The following TOX variants were observed in gnomAD, a reference collection of about 807,000 sequenced individuals.
The protein encoded by TOX is thymocyte selection-associated high mobility group box protein TOX.
In TOX, 11 loss-of-function variants were observed where a neutral mutation model predicts 53.7. The ratio of observed to expected loss-of-function variants is 0.20; its 90% CI spans 0.13 to 0.34. TOX has a LOEUF of 0.34. Ranked by LOEUF, TOX falls within the 10% of genes least tolerant of loss-of-function variation. The probability of loss-of-function intolerance (pLI) is 1.00; values close to 1 mark genes in which losing one functional copy is unlikely to be tolerated. For missense variants in TOX, 570 were observed against 664.6 expected, an observed-to-expected ratio of 0.86 and a Z score of 1.56; for synonymous variants, 225 against 245.3, an observed-to-expected ratio of 0.92 and a Z score of 0.77.
At chr8:58,952,994 T>C (rs1812649270) in intron 2 of TOX, among the ~76,000 whole-genome samples, 1 of 152,154 alleles carries the variant, frequency 6.6e-6, no homozygotes, top group African/African-American at 2.4e-5. Flanking sequence ...GAGGTTGATA[T>C]AAAACACTTT....
chr8:59,041,036 T>C (rs1321964349), intron 1 of TOX, among the ~76,000 whole-genome samples: 2 of 151,188 alleles, frequency 1.3e-5, no homozygotes, highest in South Asian at 2.1e-4. Flanking sequence ...AGGGAGACCT[T>C]TGACCATCAG....
intron 3 of TOX, among the ~76,000 whole-genome samples, chr8:58,890,626 G>A (rs914474195): frequency 1.3e-5 from 2 of 152,120 alleles, no homozygotes; most frequent in Non-Finnish European, 2.9e-5. Flanking sequence ...ATGAGAGAAA[G>A]GTCTTAGGCA....
chr8:58,911,644 A>T (rs1024062564), intron 3 of TOX, among the ~76,000 whole-genome samples: 1 of 152,190 alleles, frequency 6.6e-6, no homozygotes, highest in Non-Finnish European at 1.5e-5. Context: ...CTGCAGTGGA[A>T]GATGATCAAG....
In TOX at chr8:58,949,656, T is replaced by C. The variant is rs530036951; in HGVS notation, c.169-10112A>G. 2.3e-4 allele frequency among the ~76,000 whole-genome samples: 35 copies of C among 152,246 alleles called. 1 individual carries two copies. The Middle Eastern group carries it at 0.01, about 44-fold the overall frequency. On this transcript the variant is annotated intron_variant, in intron 2 of 8. Transcript: ENST00000361421. Reference sequence around the variant, plus strand: ...AACAATTGATTGCAATTTATTAGGTTTTAATATACTATTTTAAATCATGTG... The same window carrying C: ...AACAATTGATTGCAATTTATTAGGTCTTAATATACTATTTTAAATCATGTG...
rs762533510 is a variant in TOX at position 58,815,523 on chromosome 8, G to T, written c.1207C>A (p.Gln403Lys). The T allele has an allele frequency of 1.8e-5, 29 of 1,614,000 alleles. No homozygotes were observed. The highest frequency in any genetic ancestry group is 2.2e-5 in the Non-Finnish European group (26 of 1,180,016). Residue 403 changes from glutamine (Q) to lysine (K), a missense_variant, in exon 7 of 9, where the codon CAA (glutamine) becomes AAA (lysine). Physicochemically the swap from Gln to Lys is moderately conservative, Grantham distance 53. This residue lies in a region of TOX where 239 missense variants were observed against 250.7 expected (regional missense o/e 0.95). Coordinates refer to ENST00000361421, the MANE Select transcript of TOX (RefSeq NM_014729.3). ...GCTATAGAGACAGTCACTGGCATTTGGTTATTCGGCTTGGGGGCTATGTTC... is the reference window on the plus strand; with the variant it reads ...GCTATAGAGACAGTCACTGGCATTTTGTTATTCGGCTTGGGGGCTATGTTC... ...PRNIAPKPNN[Q>K]MPVTVSIANM...
intron 1 of TOX, among the ~76,000 whole-genome samples, chr8:59,111,974 T>C (rs979367272): frequency 5.9e-5 from 9 of 152,210 alleles, no homozygotes; most frequent in South Asian, 2.1e-4. Flanking sequence ...TTTGATATTA[T>C]AAATATATAT....
In TOX at chr8:59,112,791, G is replaced by C. The variant is rs74881250; in HGVS notation, c.102+6095C>G. On this transcript the variant is annotated intron_variant, in intron 1 of 8. Coordinates refer to ENST00000361421, the MANE Select transcript of TOX (RefSeq NM_014729.3). ...GAGAGCCACAGTGTCTAATAACTATGATGTGCTACAATCTTGTTTTCTGAT... is the reference window on the plus strand; with the variant it reads ...GAGAGCCACAGTGTCTAATAACTATCATGTGCTACAATCTTGTTTTCTGAT... Among the ~76,000 whole-genome samples the C allele has an allele frequency of 2.1e-3, 318 of 152,260 alleles. 12 individuals carry two copies. In the East Asian group the frequency reaches 0.058, roughly 28 times the overall value.
chr8:58,962,515 C>A (rs1330169857), intron 1 of TOX, among the ~76,000 whole-genome samples: 1 of 152,162 alleles, frequency 6.6e-6, no homozygotes, highest in African/African-American at 2.4e-5. Flanking sequence ...AAACCCAGGA[C>A]CCCTGGCTTT....
At chr8:59,084,719 AC>A (rs1804477305) in intron 1 of TOX, among the ~76,000 whole-genome samples, 1 of 152,156 alleles carries the variant, frequency 6.6e-6, no homozygotes, top group African/African-American at 2.4e-5. Context: ...ACACTGTTTT[AC>A]TGACATGTGA....
intron 2 of TOX, among the ~76,000 whole-genome samples, chr8:58,942,354 A>C (rs1293609178): frequency 6.6e-6 from 1 of 152,200 alleles, no homozygotes; most frequent in Non-Finnish European, 1.5e-5. Context: ...TTACACATTA[A>C]TGTATTTAAT....
chr8:58,997,057 C>G (rs1327737961), intron 1 of TOX, among the ~76,000 whole-genome samples: 4 of 152,204 alleles, frequency 2.6e-5, no homozygotes, highest in African/African-American at 9.6e-5. Flanking sequence ...ACCAGACTCA[C>G]TAACCTCTCT....
intron 3 of TOX, among the ~76,000 whole-genome samples, chr8:58,877,139 A>G (rs1423928519): frequency 6.6e-6 from 1 of 152,152 alleles, no homozygotes; most frequent in Non-Finnish European, 1.5e-5. Context: ...AAAGGGAACC[A>G]ATGCTAGAAC....
intron 1 of TOX, among the ~76,000 whole-genome samples, chr8:59,060,378 G>C (rs147151081): frequency 2.0e-5 from 3 of 152,100 alleles, no homozygotes; most frequent in African/African-American, 4.8e-5. Context: ...CCGTAATCCT[G>C]GCACTTTGGG....
intron 3 of TOX, among the ~76,000 whole-genome samples, chr8:58,854,670 G>A (rs539477069): frequency 6.6e-6 from 1 of 152,232 alleles, no homozygotes; most frequent in East Asian, 1.9e-4. Flanking sequence ...AGGTCAGGCA[G>A]ACAGCTTGAA....
chr8:58,946,308 G>C (rs1312351132), intron 2 of TOX, among the ~76,000 whole-genome samples: 2 of 152,140 alleles, frequency 1.3e-5, no homozygotes, highest in Admixed American at 1.3e-4. Flanking sequence ...ATTTTTAGAA[G>C]TAAAGATATT....
At chr8:59,088,546 T>C (rs1804553240) in intron 1 of TOX, among the ~76,000 whole-genome samples, 1 of 152,214 alleles carries the variant, frequency 6.6e-6, no homozygotes, top group Non-Finnish European at 1.5e-5. Flanking sequence ...ATAGTCCCTG[T>C]TTCTGTTCAT....
At chr8:58,956,973 A>C (rs1812719968) in intron 2 of TOX, among the ~76,000 whole-genome samples, 2 of 152,216 alleles carry the variant, frequency 1.3e-5, no homozygotes, top group African/African-American at 2.4e-5. Context: ...AGACTTGTTC[A>C]TCCTACATAT....
chr8:58,988,384 A>C (rs1008991905), intron 1 of TOX, among the ~76,000 whole-genome samples: 1 of 152,222 alleles, frequency 6.6e-6, no homozygotes, highest in Non-Finnish European at 1.5e-5. Flanking sequence ...CTGTATGTCT[A>C]TAGCCGTTCC....
intron 1 of TOX, among the ~76,000 whole-genome samples, chr8:59,036,640 T>A (rs986631632): frequency 1.3e-5 from 2 of 152,208 alleles, no homozygotes; most frequent in Non-Finnish European, 2.9e-5. Flanking sequence ...TCAATCAAAC[T>A]AAGTTACATT....
Sources: gnomAD v4.1 joint callset for allele counts (sites outside exome capture counted in the v4.1 genomes callset) on GRCh38, gnomAD v4.1.1 for gene constraint, gnomAD v4.1.1 regional missense constraint, MANE v1.5 for transcripts, NCBI Gene and HGNC (gene_info 2026-07-23, HGNC 2026-07-21) for gene names.